Variants in SERTAD2 observed in about 807,000 individuals in gnomAD.
SERTAD2 encodes SERTA domain-containing protein 2.
SERTAD2 carries 2 observed loss-of-function variants against 15.4 expected under a neutral mutation model. The observed-to-expected ratio is 0.13, with a 90% CI of 0.05 to 0.41. The LOEUF (loss-of-function observed/expected upper bound fraction) is 0.41, where lower values mean the gene tolerates loss of function less well. Ranked by LOEUF, SERTAD2 falls within the 10% of genes least tolerant of loss-of-function variation. The pLI is 0.99. For missense variants in SERTAD2, 333 were observed against 409.7 expected (o/e 0.81, Z 1.62); for synonymous variants, 180 against 178.0 (o/e 1.01, Z -0.09).
At chr2:64,649,601 AG>A in intron 1 of SERTAD2, among the ~76,000 whole-genome samples, 2 of 152,264 alleles carry the variant, frequency 1.3e-5, no homozygotes, top group Non-Finnish European at 2.9e-5. Context: ...AAAAAAGCTT[AG>A]AATTAATTAG....
chr2:64,643,009 C>T (rs1038548530), intron 1 of SERTAD2, among the ~76,000 whole-genome samples: 1 of 152,138 alleles, frequency 6.6e-6, no homozygotes, highest in Non-Finnish European at 1.5e-5. Context: ...GTTCTAAATT[C>T]TTAAGAGAGG....
At position 64,635,178 on chromosome 2, in the gene SERTAD2, G is replaced by C. The variant is rs758095184; in HGVS notation, c.*749C>G. 6.6e-6 allele frequency: 1 copy of C among 152,652 alleles called. No individual in the cohort carries two copies. Among genetic ancestry groups the C allele is most frequent in the South Asian group, 2.1e-4 (1 of 4,834 alleles). 9.5% of individuals were successfully genotyped at this position (152,652 alleles called of 1,614,324 possible). A position where few individuals can be genotyped will look rare whatever the true frequency, so the allele number is the denominator to read the frequency against. Reference sequence around the variant, plus strand: ...TTTGCATTTGGGGACATCAACTGCAGATTGATTTGATCCAATTTTCTCTTG... The same window carrying C: ...TTTGCATTTGGGGACATCAACTGCACATTGATTTGATCCAATTTTCTCTTG... On this transcript the variant is annotated 3_prime_UTR_variant, in exon 2 of 2. Coordinates refer to ENST00000313349, the MANE Select transcript of SERTAD2 (RefSeq NM_014755.3).
At chr2:64,639,912 C>T (rs891601447) in intron 1 of SERTAD2, among the ~76,000 whole-genome samples, 1 of 152,104 alleles carries the variant, frequency 6.6e-6, no homozygotes, top group Non-Finnish European at 1.5e-5. Context: ...TGTAATGCTG[C>T]CTGGAAGGGG....
chr2:64,638,748 C>A (rs1295825728), intron 1 of SERTAD2, among the ~76,000 whole-genome samples: 2 of 152,144 alleles, frequency 1.3e-5, no homozygotes, highest in Non-Finnish European at 1.5e-5. Flanking sequence ...AATTGTTCTT[C>A]AGGGCAATAA....
chr2:64,641,864 GCCTTAGGTTCA>G (rs1190874480), intron 1 of SERTAD2, among the ~76,000 whole-genome samples: 9 of 152,302 alleles, frequency 5.9e-5, no homozygotes, highest in African/African-American at 2.2e-4. Flanking sequence ...CCACGGACAA[GCCTTAGGTTCA>G]CCTGGAGGCC....
intron 1 of SERTAD2, among the ~76,000 whole-genome samples, chr2:64,649,293 T>C (rs916437771): frequency 1.3e-5 from 2 of 152,232 alleles, no homozygotes; most frequent in African/African-American, 4.8e-5. Context: ...CGTGGAATGA[T>C]AAGCAGCCGG....
intron 1 of SERTAD2, among the ~76,000 whole-genome samples, chr2:64,647,984 C>T (rs1674940599): frequency 6.6e-6 from 1 of 152,170 alleles, no homozygotes; most frequent in African/African-American, 2.4e-5. Context: ...AAATACAGAA[C>T]ATATTTCATC....
intron 1 of SERTAD2, among the ~76,000 whole-genome samples, chr2:64,640,754 A>G (rs756380556): frequency 3.3e-5 from 5 of 152,140 alleles, no homozygotes; most frequent in Non-Finnish European, 5.9e-5. Context: ...GGTGAAGACC[A>G]AAGCCTAAAA....
intron 1 of SERTAD2, among the ~76,000 whole-genome samples, chr2:64,647,699 A>G (rs1315349433): frequency 6.6e-6 from 1 of 151,816 alleles, no homozygotes; most frequent in African/African-American, 2.4e-5. Flanking sequence ...AAGACTCAAG[A>G]TATATGTAAG....
Position 64,636,479 on chromosome 2 carries a change from G to T in SERTAD2, c.393C>A (p.Thr131=), listed in dbSNP as rs756712991. ...GSTTPLEACL[T]PASLLEDDDD... ...CGTCGTCCTCGAGCAGTGAGGCCGG[G>T]GTGAGGCAGGCCTCCAGGGGCGTAG... Residue 131 remains threonine (T), a synonymous_variant, in exon 2 of 2, where the codon ACC becomes ACA. Coordinates refer to ENST00000313349, the MANE Select transcript of SERTAD2 (RefSeq NM_014755.3). 9.3e-6 allele frequency: 15 copies of T among 1,613,750 alleles called. No individual in the cohort carries two copies. In the East Asian group the frequency reaches 3.1e-4, roughly 34 times the overall value.
At chr2:64,640,188 A>G (rs1390146329) in intron 1 of SERTAD2, among the ~76,000 whole-genome samples, 4 of 152,224 alleles carry the variant, frequency 2.6e-5, no homozygotes, top group Non-Finnish European at 5.9e-5. Context: ...TAAAAAGTGA[A>G]GTCATTTTCC....
intron 1 of SERTAD2, among the ~76,000 whole-genome samples, chr2:64,650,184 A>G (rs1192147607): frequency 6.6e-6 from 1 of 152,194 alleles, no homozygotes; most frequent in African/African-American, 2.4e-5. Flanking sequence ...GAATTTTCAA[A>G]AGAGAGTTTG....
chr2:64,637,049 A>C (rs1313874519), intron 1 of SERTAD2, among the ~76,000 whole-genome samples, 174 bp from the exon 2 acceptor site: 1 of 152,238 alleles, frequency 6.6e-6, no homozygotes, highest in African/African-American at 2.4e-5. Context: ...TTACAATAAG[A>C]GAGAGTTAGA....
intron 1 of SERTAD2, among the ~76,000 whole-genome samples, chr2:64,643,728 C>T (rs1674828045): frequency 6.6e-6 from 1 of 152,006 alleles, no homozygotes; most frequent in Non-Finnish European, 1.5e-5. Context: ...ATTAGCCAGG[C>T]GGTGGCGGGT....
At chr2:64,642,372 A>T (rs1359450825) in intron 1 of SERTAD2, among the ~76,000 whole-genome samples, 1 of 152,216 alleles carries the variant, frequency 6.6e-6, no homozygotes, top group Non-Finnish European at 1.5e-5. Context: ...CGTTTAAAAG[A>T]GTAAGTAACA....
rs1425200251 is a variant in SERTAD2 at position 64,631,893 on chromosome 2, G to C, written c.*4034C>G. On this transcript the variant is annotated 3_prime_UTR_variant, in exon 2 of 2. Coordinates refer to ENST00000313349, the MANE Select transcript of SERTAD2 (RefSeq NM_014755.3). ...TATGTACATCTTTTTTCAAAATCTC[G>C]GTCATGCGCACATATGGCCTGCATT... 1 of 152,466 alleles carries C rather than the reference G, an allele frequency of 6.6e-6. No homozygotes were observed. The highest frequency in any genetic ancestry group is 2.4e-5 in the African/African-American group (1 of 41,368). 9.4% of individuals were successfully genotyped at this position (152,466 alleles called of 1,614,324 possible).
chr2:64,647,655 T>A (rs1054923486), intron 1 of SERTAD2, among the ~76,000 whole-genome samples: 1 of 127,364 alleles, frequency 7.9e-6, no homozygotes, highest in African/African-American at 3.0e-5. Flanking sequence ...TTGCCAAAAG[T>A]ATGTGACAGT....
In SERTAD2 at chr2:64,640,506, C is replaced by G. The variant is rs1375679700; in HGVS notation, c.-4-3631G>C. Reference sequence around the variant, plus strand: ...TTCCTCAGGCACTCTAAGAAAATAACAATAGCTCTTTAACCACCCTTTGGA... The same window carrying G: ...TTCCTCAGGCACTCTAAGAAAATAAGAATAGCTCTTTAACCACCCTTTGGA... On this transcript the variant is annotated intron_variant, in intron 1 of 1. Coordinates refer to ENST00000313349, the MANE Select transcript of SERTAD2 (RefSeq NM_014755.3). Among the ~76,000 whole-genome samples the G allele has an allele frequency of 2.6e-5, 4 of 152,262 alleles. No homozygotes were observed. In the South Asian group the frequency reaches 8.3e-4, roughly 32 times the overall value.
Position 64,635,698 on chromosome 2 carries a change from C to T in SERTAD2, c.*229G>A. On this transcript the variant is annotated 3_prime_UTR_variant, in exon 2 of 2. Transcript: ENST00000313349. ...GTCTTCAAATGGATTCTTTCCTATA[C>T]CAGGGTAGTAGGTCTCTGAGGAACC... 4.3e-6 allele frequency: 2 copies of T among 464,724 alleles called. No homozygotes were observed. Among genetic ancestry groups the T allele is most frequent in the Non-Finnish European group, 7.7e-6 (2 of 260,224 alleles). The allele number at this position is 464,724 out of a possible 1,614,324, so 28.8% of individuals were successfully genotyped here. A position where few individuals can be genotyped will look rare whatever the true frequency, so the allele number is the denominator to read the frequency against.
Sources: allele counts gnomAD v4.1 joint callset (sites outside exome capture counted in the v4.1 genomes callset), GRCh38; gene constraint gnomAD v4.1.1; transcripts MANE v1.5; gene names NCBI Gene and HGNC (gene_info 2026-07-23, HGNC 2026-07-21).